The following CMYA5 variants were observed in gnomAD, a reference collection of about 807,000 sequenced individuals.
The protein encoded by CMYA5 is cardiomyopathy-associated protein 5.
In CMYA5, 246 loss-of-function variants were observed where a neutral mutation model predicts 318.9. The ratio of observed to expected loss-of-function variants is 0.77; its 90% CI spans 0.70 to 0.86. CMYA5 has a LOEUF of 0.86. CMYA5 is among the 40% of genes least tolerant of loss of function. The pLI is 0.00. For synonymous variants in CMYA5, 1,641 were observed against 1,729.5 expected, an observed-to-expected ratio of 0.95 and a Z score of 1.27; for missense variants, 4,589 against 4,678.2, an observed-to-expected ratio of 0.98 and a Z score of 0.56.
chr5:79,754,363 G>T (rs924707399), intron 6 of CMYA5, among the ~76,000 whole-genome samples: 1 of 152,178 alleles, frequency 6.6e-6, no homozygotes, highest in African/African-American at 2.4e-5. Context: ...ACGATGGCTG[G>T]CATTGTGGAA....
chr5:79,770,583 CCACCCTGCTTCTGCT>C (rs1453005896), intron 9 of CMYA5, among the ~76,000 whole-genome samples: 4 of 152,196 alleles, frequency 2.6e-5, no homozygotes, highest in African/African-American at 9.6e-5. Flanking sequence ...AGGTGATGCC[CCACCCTGCTTCTGCT>C]CACCCTCCAT....
At chr5:79,775,918 T>A (rs1828930940) in intron 9 of CMYA5, among the ~76,000 whole-genome samples, 1 of 152,180 alleles carries the variant, frequency 6.6e-6, no homozygotes, top group Admixed American at 6.5e-5. Context: ...ATTCTCTGCC[T>A]GGAATATAAA....
intron 1 of CMYA5, among the ~76,000 whole-genome samples, chr5:79,710,194 C>A (rs1162180609): frequency 2.0e-5 from 3 of 151,968 alleles, no homozygotes; most frequent in Admixed American, 1.3e-4. Flanking sequence ...AAAATAATGT[C>A]ATTCTTCTCA....
At position 79,769,783 on chromosome 5, in the gene CMYA5, G is replaced by A. The variant is rs546179663; in HGVS notation, c.11555+6574G>A. 3.9e-5 allele frequency among the ~76,000 whole-genome samples: 6 copies of A among 152,330 alleles called. No individual in the cohort carries two copies. The East Asian group carries it at 9.7e-4, about 25-fold the overall frequency. ...CCAAGTCAGGAGGCATGGGGGTCAG[G>A]GACCCACTTGAGAAGGCAGTCTGTC... On this transcript the variant is annotated intron_variant, in intron 9 of 12. Transcript: ENST00000446378.
At chr5:79,748,856 CA>C (rs1439255785) in intron 5 of CMYA5, among the ~76,000 whole-genome samples, 1 of 151,914 alleles carries the variant, frequency 6.6e-6, no homozygotes, top group Non-Finnish European at 1.5e-5. Flanking sequence ...TCTTTTTATC[CA>C]AAAAGCACAT....
chr5:79,744,611 GT>G (rs59204641), intron 3 of CMYA5, among the ~76,000 whole-genome samples: 1,955 of 152,342 alleles, frequency 0.013, 31 homozygotes, highest in African/African-American at 0.044. Flanking sequence ...CTTAATTCAT[GT>G]TGTGGATCAA....
At chr5:79,788,837 C>G in intron 9 of CMYA5, 134 bp from the exon 10 acceptor site, 2 of 841,504 alleles carry the variant, frequency 2.4e-6, no homozygotes, top group Non-Finnish European at 3.6e-6. Context: ...GCTTGCTAAT[C>G]CAGTGGTCAT....
In CMYA5 at chr5:79,735,695, T is replaced by A. The variant is rs1458457841; in HGVS notation, c.6930T>A (p.Ala2310=). ...ACATAAACTCAGTAGTTACTTCTGC[T>A]GATGGTGAGAACCTTGAAATTCAAT... ...EMNINSVVTS[A]DGENLEIQSY... The change falls in exon 2 of 13, where the codon GCT becomes GCA. Residue 2310 remains alanine (A), a synonymous_variant. Transcript: ENST00000446378. 1.7e-5 allele frequency: 27 copies of A among 1,604,652 alleles called. No individual in the cohort carries two copies. The highest frequency in any genetic ancestry group is 2.1e-5 in the Non-Finnish European group (25 of 1,177,680).
At position 79,735,637 on chromosome 5, in the gene CMYA5, A is replaced by G; in HGVS notation, c.6872A>G (p.Lys2291Arg). Residue 2291 changes from lysine to arginine, a missense_variant, in exon 2 of 13, where the codon AAA (lysine) becomes AGA (arginine). By Grantham distance (26) the Lys-to-Arg change is conservative. This residue lies in a region of CMYA5 where 2,431 missense variants were observed against 2,495.1 expected (regional missense o/e 0.97). Transcript: ENST00000446378. Reference protein sequence around the residue: ...ISEVSREDYGKKEISGDSEEM... With the variant: ...ISEVSREDYGRKEISGDSEEM... ...GAGGTGTCTAGGGAAGATTATGGAA[A>G]AAAAGAAATCTCAGGCGATTCAGAG... 6.2e-7 allele frequency: 1 copy of G among 1,613,584 alleles called. No homozygotes were observed. The highest frequency in any genetic ancestry group is 8.5e-7 in the Non-Finnish European group (1 of 1,179,742).
chr5:79,741,692 G>A (rs1261622687), intron 2 of CMYA5, among the ~76,000 whole-genome samples: 2 of 152,070 alleles, frequency 1.3e-5, no homozygotes, highest in African/African-American at 4.8e-5. Context: ...CACAACTACT[G>A]AGCACTGCCA....
At chr5:79,713,675 A>G (rs973970607) in intron 1 of CMYA5, among the ~76,000 whole-genome samples, 5 of 143,266 alleles carry the variant, frequency 3.5e-5, no homozygotes, top group African/African-American at 1.3e-4. Flanking sequence ...GCTAAAGCCC[A>G]AATGGCTCTT....
Position 79,743,878 on chromosome 5 carries a change from G to A in CMYA5, c.10690G>A (p.Glu3564Lys). 6.5e-7 allele frequency: 1 copy of A among 1,549,406 alleles called. No homozygotes were observed. Among genetic ancestry groups the A allele is most frequent in the Non-Finnish European group, 8.7e-7 (1 of 1,145,494 alleles). Reference sequence around the variant, plus strand: ...TTTACAAGAAAAGTCCTTGAGGATTGAAGCCTTTGTTAGTGAGATAGAATC... The same window carrying A: ...TTTACAAGAAAAGTCCTTGAGGATTAAAGCCTTTGTTAGTGAGATAGAATC... Reference protein sequence around the residue: ...ENLQEKSLRIEAFVSEIESFF... With the variant: ...ENLQEKSLRIKAFVSEIESFF... The change falls in exon 3 of 13, where the codon GAA becomes AAA. Residue 3564 changes from glutamate to lysine, a missense_variant. By Grantham distance (56) the Glu-to-Lys change is moderately conservative. This residue lies in a region of CMYA5 where 2,431 missense variants were observed against 2,495.1 expected (regional missense o/e 0.97). Coordinates refer to ENST00000446378, the MANE Select transcript of CMYA5 (RefSeq NM_153610.5).
At chr5:79,764,375 G>A (rs1379395438) in intron 9 of CMYA5, among the ~76,000 whole-genome samples, 2 of 152,092 alleles carry the variant, frequency 1.3e-5, no homozygotes. Flanking sequence ...GTATATAAGT[G>A]CCACATTTTC....
chr5:79,727,729 A>C (rs1206417744), intron 1 of CMYA5, among the ~76,000 whole-genome samples: 1 of 152,216 alleles, frequency 6.6e-6, no homozygotes, highest in African/African-American at 2.4e-5. Context: ...GGGGCTCTGC[A>C]TTCTAAATGG....
At chr5:79,749,706 C>G (rs1161641386) in intron 5 of CMYA5, among the ~76,000 whole-genome samples, 1 of 152,094 alleles carries the variant, frequency 6.6e-6, no homozygotes, top group Non-Finnish European at 1.5e-5. Flanking sequence ...CACACAAACA[C>G]CACCGTCCAT....
intron 11 of CMYA5, among the ~76,000 whole-genome samples, chr5:79,792,978 C>G (rs115347036): frequency 0.011 from 1,683 of 152,282 alleles, 27 homozygotes; most frequent in African/African-American, 0.039. Flanking sequence ...GTGGCTGTGT[C>G]CAGTAAGGTC....
chr5:79,717,712 A>G (rs1455777083), intron 1 of CMYA5, among the ~76,000 whole-genome samples: 1 of 152,124 alleles, frequency 6.6e-6, no homozygotes, highest in Non-Finnish European at 1.5e-5. Context: ...TTGTGATAAC[A>G]GGATCCTTAT....
chr5:79,708,039 C>T (rs963062432), intron 1 of CMYA5, among the ~76,000 whole-genome samples: 4 of 152,170 alleles, frequency 2.6e-5, no homozygotes, highest in Non-Finnish European at 5.9e-5. Flanking sequence ...ATCCTCATGA[C>T]TTAATCATCT....
chr5:79,759,039 C>A, intron 7 of CMYA5, 137 bp downstream of exon 7: 1 of 709,938 alleles, frequency 1.4e-6, no homozygotes, highest in Non-Finnish European at 2.1e-6. Flanking sequence ...AAAACCCCAA[C>A]AACCATATAA....
Sources: gnomAD v4.1 joint callset for allele counts (sites outside exome capture counted in the v4.1 genomes callset) on GRCh38, gnomAD v4.1.1 for gene constraint, gnomAD v4.1.1 regional missense constraint, MANE v1.5 for transcripts, NCBI Gene and HGNC (gene_info 2026-07-23, HGNC 2026-07-21) for gene names.